RP1: variants seen among roughly 807,000 people sequenced by gnomAD.
RP1 encodes oxygen-regulated protein 1.
A neutral mutation model predicts 14.8 loss-of-function variants in RP1; 16 were observed. The observed-to-expected ratio is 1.08, with a 90% CI of 0.73 to 1.65. RP1 has a LOEUF of 1.65. Among genes scored for constraint, RP1 ranks in the 40% most tolerant of loss-of-function variants. The pLI, the probability that RP1 is intolerant of heterozygous loss-of-function variation, is 0.00. For missense variants in RP1, 2,631 were observed against 2,535.0 expected (o/e 1.04, Z -0.81); for synonymous variants, 876 against 883.6 (o/e 0.99, Z 0.15).
At chr8:54,582,546 A>T (rs1306900982) in intron 1 of RP1, among the ~76,000 whole-genome samples, 1 of 151,956 alleles carries the variant, frequency 6.6e-6, no homozygotes, top group Non-Finnish European at 1.5e-5. Context: ...GAAGAAAGTC[A>T]TTGGTAGCTT....
intron 24 of RP1, among the ~76,000 whole-genome samples, chr8:54,811,165 A>G (rs1810985299): frequency 6.6e-6 from 1 of 152,162 alleles, no homozygotes; most frequent in Non-Finnish European, 1.5e-5. Flanking sequence ...ACATAGTATG[A>G]GGTTCTATCC....
chr8:54,789,307 G>A (rs1194725829), intron 24 of RP1, among the ~76,000 whole-genome samples: 2 of 152,160 alleles, frequency 1.3e-5, no homozygotes, highest in Non-Finnish European at 2.9e-5. Context: ...TGCCTGTCTT[G>A]GGTTCCAAGC....
At chr8:54,713,339 G>C (rs960293116) in intron 15 of RP1, among the ~76,000 whole-genome samples, 5 of 152,066 alleles carry the variant, frequency 3.3e-5, no homozygotes, top group Non-Finnish European at 7.4e-5. Flanking sequence ...TTGTAAGGGT[G>C]TTAATTTAAA....
intron 12 of RP1, among the ~76,000 whole-genome samples, chr8:54,697,338 T>C (rs1807893099): frequency 6.6e-6 from 1 of 152,158 alleles, no homozygotes; most frequent in South Asian, 2.1e-4. Context: ...GTGGATCTCC[T>C]GAGGTCGGGA....
In RP1 at chr8:54,625,587, A is replaced by T. The variant is rs1286471672; in HGVS notation, c.1705A>T (p.Thr569Ser). The change falls in exon 4 of 4, where the codon ACT (threonine) becomes TCT (serine). Residue 569 changes from threonine to serine, a missense_variant. Thr to Ser is a moderately conservative substitution (Grantham distance 58). Coordinates refer to ENST00000220676, the MANE Select transcript of RP1 (RefSeq NM_006269.2). ...GTCACATAATAATGGTTTGCCATCA[A>T]CTATATCAAATAACTCAATTGTGGA... The part of the protein sequence containing the change: ...EMSHNNGLPS[T>S]ISNNSIVEED... 6.2e-7 allele frequency: 1 copy of T among 1,614,148 alleles called. No homozygotes were observed. The highest frequency in any genetic ancestry group is 2.2e-5 in the East Asian group (1 of 44,868).
exon 4 of RP1, chr8:54,648,996 A>G: frequency 6.6e-7 from 1 of 1,507,262 alleles, no homozygotes; most frequent in Non-Finnish European, 8.8e-7. Context: ...TAGTAACTGG[A>G]AAGTTTTTAT....
At chr8:54,826,610 CA>C (rs1811390212) in intron 24 of RP1, among the ~76,000 whole-genome samples, 1 of 152,118 alleles carries the variant, frequency 6.6e-6, no homozygotes, top group Admixed American at 6.5e-5. Flanking sequence ...TTTTTTACAT[CA>C]AATAATCCAA....
intron 25 of RP1, among the ~76,000 whole-genome samples, chr8:54,841,184 C>A (rs1811782081): frequency 6.6e-6 from 1 of 152,112 alleles, no homozygotes; most frequent in South Asian, 2.1e-4. Context: ...GACCAATGAA[C>A]TGATACTTCC....
chr8:54,615,085 C>T (rs1178858075), upstream of RP1, among the ~76,000 whole-genome samples: 1 of 152,152 alleles, frequency 6.6e-6, no homozygotes, highest in Non-Finnish European at 1.5e-5. Flanking sequence ...ATAGCCATGT[C>T]TGTGTGTAGA....
intron 24 of RP1, among the ~76,000 whole-genome samples, chr8:54,836,716 G>A (rs962715645): frequency 6.6e-6 from 1 of 152,258 alleles, no homozygotes; most frequent in African/African-American, 2.4e-5. Context: ...GTGGTCTTAA[G>A]TAGAGGCTCA....
intron 23 of RP1, among the ~76,000 whole-genome samples, chr8:54,777,672 C>G (rs1279715712): frequency 6.6e-6 from 1 of 152,060 alleles, no homozygotes; most frequent in Admixed American, 6.6e-5. Context: ...TCATGATCCT[C>G]TTATGAGGTT....
In RP1 at chr8:54,625,745, A is replaced by G; in HGVS notation, c.1863A>G (p.Gly621=). ...CCCATTTTTCAAGTAATAACTCTGG[A>G]ACTGACAAAAATATTTCTGAGGCTC... is the stretch of plus-strand genomic sequence containing the variant. ...DATHFSSNNS[G]TDKNISEAPA... The change falls in exon 4 of 4, where the codon GGA becomes GGG. Residue 621 remains glycine (G), a synonymous_variant. Transcript: ENST00000220676. 1.9e-6 allele frequency: 3 copies of G among 1,613,902 alleles called. No individual in the cohort carries two copies. The highest frequency in any genetic ancestry group is 2.5e-6 in the Non-Finnish European group (3 of 1,179,986).
chr8:54,784,246 T>A (rs1563375527), intron 24 of RP1, among the ~76,000 whole-genome samples: 1 of 152,308 alleles, frequency 6.6e-6, no homozygotes, highest in South Asian at 2.1e-4. Flanking sequence ...TCCTCAATAA[T>A]CTTTACTTCG....
At chr8:54,720,625 G>C (rs1808511643) in intron 16 of RP1, among the ~76,000 whole-genome samples, 1 of 152,206 alleles carries the variant, frequency 6.6e-6, no homozygotes, top group Middle Eastern at 3.2e-3. Flanking sequence ...TGTACCCTGA[G>C]AGGGATGAGG....
Position 54,626,868 on chromosome 8 carries a change from G to T in RP1, c.2986G>T (p.Ala996Ser). Residue 996 changes from alanine to serine, a missense_variant, in exon 4 of 4, where the codon GCC becomes TCC. Physicochemically the swap from Ala to Ser is moderately conservative, Grantham distance 99. Coordinates refer to ENST00000220676, the MANE Select transcript of RP1 (RefSeq NM_006269.2). ...TAAAGAGGGAGATAAGTCTTTTATT[G>T]CCAATGACACTGGTGAAGAAGATCT... The part of the protein sequence containing the change: ...LCKEGDKSFI[A>S]NDTGEEDLHE... 1 of 1,613,748 alleles carries T rather than the reference G, an allele frequency of 6.2e-7. No individual in the cohort carries two copies. The highest frequency in any genetic ancestry group is 1.6e-4 in the Middle Eastern group (1 of 6,062).
At chr8:54,669,022 C>T (rs895398325) in intron 7 of RP1, among the ~76,000 whole-genome samples, 3 of 152,084 alleles carry the variant, frequency 2.0e-5, no homozygotes, top group Non-Finnish European at 4.4e-5. Context: ...CCAAAATAGA[C>T]AAATGGGATG....
rs375517210 is a variant in RP1 at position 54,787,651 on chromosome 8, T to G, written c.3615+3941T>G. Among the ~76,000 whole-genome samples, 43 of 152,334 alleles carry G rather than the reference T, an allele frequency of 2.8e-4. No homozygotes were observed. The South Asian group carries it at 7.7e-3, about 27-fold the overall frequency. ...TGGGAAAAAGTTAGTGCTTATGCCG[T>G]TCACTCCTAGAAAGTTGCTTTCTGC... is the stretch of plus-strand genomic sequence containing the variant. On this transcript the variant is annotated intron_variant, in intron 24 of 28. Transcript: ENST00000637698.
rs1174193938 is a variant in RP1 at position 54,625,921 on chromosome 8, C to CA, written c.2041dup (p.Ile681AsnfsTer17). On this transcript the variant is annotated frameshift_variant, in exon 4 of 4. Coordinates refer to ENST00000220676, the MANE Select transcript of RP1 (RefSeq NM_006269.2). LOFTEE classifies it low-confidence loss of function (END_TRUNC). ...AAGAAGAAAAAATCTCGACAGCAAG[C>CA]AATAAATTCCAGGTATCAAGATGGA... The CA allele has an allele frequency of 8.7e-6, 14 of 1,613,680 alleles. No individual in the cohort carries two copies. In the Admixed American group the frequency reaches 1.8e-4, roughly 21 times the overall value.
intron 25 of RP1, among the ~76,000 whole-genome samples, chr8:54,844,895 T>TGA (rs1176521683): frequency 6.6e-6 from 1 of 152,118 alleles, no homozygotes; most frequent in African/African-American, 2.4e-5. Context: ...GTAAAGGAGA[T>TGA]GAGGAGGCAT....
Sources: allele counts gnomAD v4.1 joint callset (sites outside exome capture counted in the v4.1 genomes callset), GRCh38; gene constraint gnomAD v4.1.1; transcripts MANE v1.5; gene names NCBI Gene and HGNC (gene_info 2026-07-23, HGNC 2026-07-21).